FZR1: variants seen among roughly 807,000 people sequenced by gnomAD.
FZR1 encodes fizzy and cell division cycle 20 related 1.
Under a neutral mutation model 63.6 loss-of-function variants are expected in FZR1, and 11 were observed. The ratio of observed to expected loss-of-function variants is 0.17; its 90% CI spans 0.11 to 0.29. The LOEUF is 0.29. Ranked by LOEUF, FZR1 falls within the 10% of genes least tolerant of loss-of-function variation. The pLI, the probability that FZR1 is intolerant of heterozygous loss-of-function variation, is 1.00. For missense variants in FZR1, 440 were observed against 687.5 expected (o/e 0.64, Z 4.03); for synonymous variants, 328 against 297.9 (o/e 1.10, Z -1.04).
Position 3,534,928 on chromosome 19 carries a change from T to C in FZR1, c.*92T>C. ...ATGGACTCTGCCTTCCCAGCGCTTG[T>C]CCCCCGAGGAAGGCGGCTGGGCGGG... On this transcript the variant is annotated 3_prime_UTR_variant, in exon 14 of 14. Coordinates refer to ENST00000441788, the MANE Select transcript of FZR1 (RefSeq NM_016263.4). The C allele has an allele frequency of 9.4e-7, 1 of 1,065,290 alleles. No homozygotes were observed. Among genetic ancestry groups the C allele is most frequent in the Non-Finnish European group, 1.4e-6 (1 of 691,534 alleles). The allele number at this position is 1,065,290 out of a possible 1,614,324, so 66.0% of individuals were successfully genotyped here. A position where few individuals can be genotyped will look rare whatever the true frequency, so the allele number is the denominator to read the frequency against.
chr19:3,517,197 C>T (rs1257802560), intron 1 of FZR1, among the ~76,000 whole-genome samples: 3 of 151,858 alleles, frequency 2.0e-5, no homozygotes, highest in Non-Finnish European at 4.4e-5. Context: ...CGAGACCAGC[C>T]TGGGCAACAT....
intron 6 of FZR1, 45 bp downstream of exon 6, chr19:3,527,107 C>T (rs775834509): frequency 1.5e-5 from 22 of 1,436,310 alleles, no homozygotes; most frequent in African/African-American, 1.1e-4. Context: ...CCCTGTCTCC[C>T]GTCAGCAGCA....
chr19:3,509,708 G>A (rs1242097939), intron 1 of FZR1, among the ~76,000 whole-genome samples: 1 of 152,170 alleles, frequency 6.6e-6, no homozygotes, highest in East Asian at 1.9e-4. Context: ...CACATTGTGT[G>A]GCCTTTTGTG....
rs115532221 is a variant in FZR1 at position 3,533,811 on chromosome 19, T to C, written c.1347+413T>C. ...CCACGTGCCCTCACTTGCCAAGATTTTGTTTCTTCCCTGAAAAACATGTTC... is the reference window on the plus strand; with the variant it reads ...CCACGTGCCCTCACTTGCCAAGATTCTGTTTCTTCCCTGAAAAACATGTTC... On this transcript the variant is annotated intron_variant, in intron 12 of 13. Coordinates refer to ENST00000441788, the MANE Select transcript of FZR1 (RefSeq NM_016263.4). This position sits in a 1 kb window ranked among gnomAD's most constrained non-coding sequence, Gnocchi z 4.9. The C allele has an allele frequency of 3.6e-3, 667 of 185,762 alleles. 4 individuals carry two copies. Among genetic ancestry groups the C allele is most frequent in the African/African-American group, 0.015 (623 of 42,504 alleles). 11.5% of individuals were successfully genotyped at this position (185,762 alleles called of 1,614,324 possible).
Position 3,526,255 on chromosome 19 carries a change from G to T in FZR1, c.260-4G>T. ...CCCCGCCTCACTGTGCTTGGTGCCC[G>T]CAGACGGCCTGGCCTACTCTGCCCT... On this transcript the variant is annotated splice_region_variant and splice_polypyrimidine_tract_variant and intron_variant, in intron 4 of 13. Coordinates refer to ENST00000441788, the MANE Select transcript of FZR1 (RefSeq NM_016263.4). The surrounding 1 kb of genome is among the most constrained non-coding windows in gnomAD (Gnocchi z 5.4). 5.0e-6 allele frequency: 8 copies of T among 1,611,452 alleles called. No individual in the cohort carries two copies. The highest frequency in any genetic ancestry group is 6.8e-6 in the Non-Finnish European group (8 of 1,179,616).
Position 3,532,405 on chromosome 19 carries a change from C to T in FZR1, c.1009-12C>T. On this transcript the variant is annotated splice_polypyrimidine_tract_variant and intron_variant, in intron 10 of 13. Coordinates refer to ENST00000441788, the MANE Select transcript of FZR1 (RefSeq NM_016263.4). ...CTGGGACAGCCCCGGCCTCACAGCC[C>T]CTGTCCCCCAGCTGCTGGTCTGGAA... The T allele has an allele frequency of 6.3e-7, 1 of 1,582,854 alleles. No individual in the cohort carries two copies. Among genetic ancestry groups the T allele is most frequent in the Non-Finnish European group, 8.6e-7 (1 of 1,161,890 alleles).
rs73525997 is a variant in FZR1, at chr19:3,516,443, C to T, written c.-34-6513C>T. ...CTGCCCTGCGGACTCCCAATTTTCC[C>T]GGTGTTGAATTCCACAGCCATGCCT... On this transcript the variant is annotated intron_variant, in intron 1 of 13. Coordinates refer to ENST00000441788, the MANE Select transcript of FZR1 (RefSeq NM_016263.4). The surrounding 1 kb of genome is among the most constrained non-coding windows in gnomAD (Gnocchi z 6.0). 0.022 allele frequency among the ~76,000 whole-genome samples: 3,275 copies of T among 152,284 alleles called. 87 individuals carry two copies. Among genetic ancestry groups the T allele is most frequent in the African/African-American group, 0.066 (2,734 of 41,548 alleles).
intron 7 of FZR1, among the ~76,000 whole-genome samples, chr19:3,528,097 C>T (rs908165805): frequency 5.9e-5 from 9 of 152,142 alleles, no homozygotes; most frequent in Non-Finnish European, 1.0e-4. Context: ...GTGGCATCTG[C>T]GGCAGCATGG....
chr19:3,513,525 C>T (rs1438452819), intron 1 of FZR1, among the ~76,000 whole-genome samples: 1 of 152,192 alleles, frequency 6.6e-6, no homozygotes, highest in African/African-American at 2.4e-5. Context: ...TGTCCCAGGC[C>T]CCAAGATGCA....
chr19:3,514,417 C>T lies in FZR1; in HGVS notation c.-35+7943C>T, dbSNP rs535335009. Among the ~76,000 whole-genome samples, 1 of 152,172 alleles carries T rather than the reference C, an allele frequency of 6.6e-6. No homozygotes were observed. The highest frequency in any genetic ancestry group is 1.5e-5 in the Non-Finnish European group (1 of 68,016). The stretch of plus-strand genomic sequence containing the variant: ...CTCTGGGGTGCGGCCGTCCTGGGCA[C>T]TACAGGGTGCTGAGCAGCGTCCCTG... On this transcript the variant is annotated intron_variant, in intron 1 of 13. Transcript: ENST00000441788. The surrounding 1 kb of genome is among the most constrained non-coding windows in gnomAD (Gnocchi z 4.2).
chr19:3,527,009 C>G lies in FZR1; in HGVS notation c.417C>G (p.Pro139=). 6.2e-7 allele frequency: 1 copy of G among 1,612,594 alleles called. No individual in the cohort carries two copies. The highest frequency in any genetic ancestry group is 8.5e-7 in the Non-Finnish European group (1 of 1,179,760). The part of the protein sequence containing the change: ...TYSLSTKRSS[P]DDGNDVSPYS... ...CCCTTAGCACCAAGCGCTCCAGCCC[C>G]GATGACGGCAACGATGTGTCTCCCT... Residue 139 remains proline (P), a synonymous_variant, in exon 6 of 14, where the codon CCC becomes CCG. Transcript: ENST00000441788.
intron 1 of FZR1, among the ~76,000 whole-genome samples, 155 bp from the exon 2 acceptor site, chr19:3,522,801 T>G (rs1321319555): frequency 2.0e-5 from 3 of 152,048 alleles, no homozygotes; most frequent in African/African-American, 7.2e-5. Context: ...GAGCCTCACC[T>G]AGGATGAGGC....
intron 6 of FZR1, among the ~76,000 whole-genome samples, chr19:3,527,417 C>CA (rs2083171034): frequency 6.6e-6 from 1 of 152,212 alleles, no homozygotes; most frequent in Non-Finnish European, 1.5e-5. Context: ...GGAGCAGAGC[C>CA]AGCACAGCTG....
chr19:3,531,963 G>T lies in FZR1; in HGVS notation c.876G>T (p.Met292Ile). 1 of 1,583,266 alleles carries T rather than the reference G, an allele frequency of 6.3e-7. No individual in the cohort carries two copies. The highest frequency in any genetic ancestry group is 8.6e-7 in the Non-Finnish European group (1 of 1,168,972). Residue 292 changes from methionine (M) to isoleucine (I), a missense_variant, in exon 10 of 14, where the codon ATG (methionine) becomes ATT (isoleucine). Physicochemically the swap from Met to Ile is conservative, Grantham distance 10. This residue lies in a region of FZR1 where 208 missense variants were observed against 363.6 expected (regional missense o/e 0.57). Transcript: ENST00000441788. ...TGTCGTCCGGGAGCCGCGACCGCAT[G>T]ATCCTGCAGAGGGACATCCGCACCC... ...EQLSSGSRDR[M>I]ILQRDIRTPP... is the part of the protein sequence containing the mutation.
chr19:3,508,274 G>A (rs1329255094), intron 1 of FZR1, among the ~76,000 whole-genome samples: 1 of 130,064 alleles, frequency 7.7e-6, no homozygotes, highest in Non-Finnish European at 1.5e-5. Context: ...TCGGCTCACC[G>A]CAACCTCTGC....
chr19:3,534,578 C>T, intron 13 of FZR1, 65 bp downstream of exon 13: 3 of 1,136,058 alleles, frequency 2.6e-6, no homozygotes, highest in Non-Finnish European at 3.9e-6. Flanking sequence ...CGTCCCTGTC[C>T]CCACTGTCCT....
chr19:3,512,248 C>A (rs988553921), intron 1 of FZR1, among the ~76,000 whole-genome samples: 1 of 152,218 alleles, frequency 6.6e-6, no homozygotes, highest in African/African-American at 2.4e-5. Flanking sequence ...CCAGCATCCA[C>A]TGAGCACCTC....
chr19:3,513,190 C>T (rs566118065), intron 1 of FZR1, among the ~76,000 whole-genome samples: 1 of 152,216 alleles, frequency 6.6e-6, no homozygotes, highest in East Asian at 1.9e-4. Flanking sequence ...CAGCCCACCC[C>T]CTGGCTCTGT....
chr19:3,519,643 C>T (rs1274096686), intron 1 of FZR1, among the ~76,000 whole-genome samples: 4 of 152,190 alleles, frequency 2.6e-5, no homozygotes, highest in African/African-American at 9.7e-5. Context: ...TTCCAGCTGT[C>T]CTCCCCAACC....
Sources: gnomAD v4.1 joint callset for allele counts (sites outside exome capture counted in the v4.1 genomes callset) on GRCh38, gnomAD v4.1.1 for gene constraint, gnomAD v4.1.1 regional missense constraint, Gnocchi (gnomAD v3.1) non-coding constraint, MANE v1.5 for transcripts, NCBI Gene and HGNC (gene_info 2026-07-23, HGNC 2026-07-21) for gene names.